TNIK: variants seen among roughly 807,000 people sequenced by gnomAD.
The protein encoded by TNIK is TRAF2 and NCK-interacting protein kinase.
Under a neutral mutation model 191.3 loss-of-function variants are expected in TNIK, and 49 were observed. That is an observed-to-expected ratio of 0.26 (90% CI 0.20 to 0.32). The LOEUF is 0.32. Ranked by LOEUF, TNIK falls within the 10% of genes least tolerant of loss-of-function variation. TNIK has a pLI of 1.00. For missense variants in TNIK, 1,155 were observed against 1,702.3 expected (o/e 0.68, Z 5.66); for synonymous variants, 594 against 600.9 (o/e 0.99, Z 0.17).
intron 12 of TNIK, among the ~76,000 whole-genome samples, chr3:171,155,874 G>A (rs184674541): frequency 2.0e-5 from 3 of 152,312 alleles, no homozygotes; most frequent in African/African-American, 7.2e-5. Flanking sequence ...TTGGTGCTTA[G>A]GCTCTGCAGG....
At chr3:171,341,764 A>C (rs955977713) in intron 2 of TNIK, among the ~76,000 whole-genome samples, 2 of 152,114 alleles carry the variant, frequency 1.3e-5, no homozygotes, top group Non-Finnish European at 2.9e-5. Flanking sequence ...ACAGTCTAAT[A>C]GGAGAGAGGC....
chr3:171,322,024 G>A (rs1359010724), intron 2 of TNIK, among the ~76,000 whole-genome samples: 1 of 152,084 alleles, frequency 6.6e-6, no homozygotes, highest in African/African-American at 2.4e-5. Flanking sequence ...CTGGGTATAT[G>A]GGCTGAATCC....
intron 26 of TNIK, 58 bp from the exon 27 acceptor site, chr3:171,082,452 CGA>C: frequency 1.3e-6 from 2 of 1,563,716 alleles, no homozygotes; most frequent in Non-Finnish European, 1.7e-6. Flanking sequence ...TCTTCTGCAT[CGA>C]GAGTCCCTAT....
chr3:171,273,758 A>G (rs1239781487), intron 2 of TNIK, among the ~76,000 whole-genome samples: 1 of 152,226 alleles, frequency 6.6e-6, no homozygotes, highest in Non-Finnish European at 1.5e-5. Flanking sequence ...AAATGTGAAT[A>G]GAGCCTTAAG....
intron 2 of TNIK, among the ~76,000 whole-genome samples, chr3:171,282,987 T>TGGAACCTG (rs1750635880): frequency 6.6e-6 from 1 of 152,002 alleles, no homozygotes; most frequent in Non-Finnish European, 1.5e-5. Flanking sequence ...ACAATCAGAG[T>TGGAACCTG]GGAACCTGGG....
At chr3:171,274,798 G>A (rs997397467) in intron 2 of TNIK, among the ~76,000 whole-genome samples, 1 of 152,150 alleles carries the variant, frequency 6.6e-6, no homozygotes, top group African/African-American at 2.4e-5. Flanking sequence ...ATATCCTGAG[G>A]AGGTCCAAAT....
intron 1 of TNIK, among the ~76,000 whole-genome samples, chr3:171,411,585 AT>A (rs1465240290): frequency 2.0e-5 from 3 of 152,112 alleles, no homozygotes; most frequent in Non-Finnish European, 4.4e-5. Flanking sequence ...TCACCTTTTT[AT>A]ACTGGTCTTC....
intron 1 of TNIK, among the ~76,000 whole-genome samples, chr3:171,394,874 G>A (rs1577760155): frequency 6.6e-6 from 1 of 152,138 alleles, no homozygotes; most frequent in Non-Finnish European, 1.5e-5. Context: ...TCTCAGATTG[G>A]CAAAACAGTC....
intron 2 of TNIK, among the ~76,000 whole-genome samples, chr3:171,293,849 G>A (rs1426575260): frequency 6.6e-6 from 1 of 152,170 alleles, no homozygotes; most frequent in African/African-American, 2.4e-5. Context: ...GGAGATCAAT[G>A]TGGGAAGATT....
At chr3:171,353,631 T>C (rs1285447385) in intron 2 of TNIK, among the ~76,000 whole-genome samples, 2 of 152,234 alleles carry the variant, frequency 1.3e-5, no homozygotes, top group South Asian at 2.1e-4. Flanking sequence ...CTACAAGAGA[T>C]GACTCAGGAT....
chr3:171,220,201 A>G (rs751295026), intron 3 of TNIK, among the ~76,000 whole-genome samples: 7 of 152,120 alleles, frequency 4.6e-5, no homozygotes, highest in Non-Finnish European at 8.8e-5. Flanking sequence ...ATGAGAACGC[A>G]AGGACACAGG....
intron 24 of TNIK, among the ~76,000 whole-genome samples, chr3:171,086,795 G>A (rs1025882687): frequency 4.6e-5 from 7 of 152,092 alleles, no homozygotes; most frequent in African/African-American, 1.2e-4. Context: ...CAGACTTTTC[G>A]CTGGGGCTGT....
intron 2 of TNIK, among the ~76,000 whole-genome samples, chr3:171,306,462 G>C (rs936930021): frequency 6.6e-6 from 1 of 152,132 alleles, no homozygotes; most frequent in African/African-American, 2.4e-5. Flanking sequence ...CTGAAAGTGG[G>C]GAGTACAAAA....
intron 16 of TNIK, among the ~76,000 whole-genome samples, chr3:171,126,976 ATAGT>A (rs1169738426): frequency 2.0e-5 from 3 of 152,312 alleles, no homozygotes; most frequent in Admixed American, 6.5e-5. Context: ...CTCACACCTC[ATAGT>A]TAGTGCTTAT....
chr3:171,181,425 G>C (rs1230466027), intron 7 of TNIK, among the ~76,000 whole-genome samples: 1 of 152,110 alleles, frequency 6.6e-6, no homozygotes, highest in African/African-American at 2.4e-5. Context: ...TTGTTTATTG[G>C]CTAACCCAAT....
Position 171,207,565 on chromosome 3 carries a change from G to C in TNIK, c.306+3551C>G, listed in dbSNP as rs116002300. Among the ~76,000 whole-genome samples the C allele has an allele frequency of 3.9e-3, 589 of 152,092 alleles. 5 individuals carry two copies. Among genetic ancestry groups the C allele is most frequent in the African/African-American group, 0.014 (562 of 41,498 alleles). On this transcript the variant is annotated intron_variant, in intron 4 of 32. Coordinates refer to ENST00000436636, the MANE Select transcript of TNIK (RefSeq NM_015028.4). ...TGGGAGAAAAAAAGTCAGGATACCC[G>C]TTTTCCTTGAGGTGGCAGTGATTGA... is the stretch of plus-strand genomic sequence containing the variant.
intron 27 of TNIK, among the ~76,000 whole-genome samples, chr3:171,081,291 A>T (rs1720637528): frequency 6.6e-6 from 1 of 152,000 alleles, no homozygotes; most frequent in African/African-American, 2.4e-5. Context: ...TGACAAGCAA[A>T]AGCATTTTGT....
intron 2 of TNIK, among the ~76,000 whole-genome samples, chr3:171,301,314 CT>C (rs36084093): frequency 0.062 from 8,243 of 133,578 alleles, 210 homozygotes; most frequent in African/African-American, 0.085. Context: ...ACTAGCTGGA[CT>C]TTTTTTTTTT....
intron 18 of TNIK, among the ~76,000 whole-genome samples, chr3:171,119,217 G>A (rs1392749096): frequency 1.1e-4 from 16 of 152,202 alleles, no homozygotes; most frequent in Non-Finnish European, 5.9e-5. Context: ...GGCCATCAGA[G>A]AAATGCAAAT....
Sources: allele counts gnomAD v4.1 joint callset (sites outside exome capture counted in the v4.1 genomes callset), GRCh38; gene constraint gnomAD v4.1.1; transcripts MANE v1.5; gene names NCBI Gene and HGNC (gene_info 2026-07-23, HGNC 2026-07-21).